Variants in TTBK2 observed in about 807,000 individuals in gnomAD.
TTBK2 encodes tau tubulin kinase 2, also known as tau-tubulin kinase 2.
TTBK2 carries 28 observed loss-of-function variants against 110.8 expected under a neutral mutation model. The observed-to-expected ratio is 0.25, with a 90% confidence interval of 0.19 to 0.35. The LOEUF is 0.35. TTBK2 is among the 10% of genes least tolerant of loss of function. The pLI, the probability that TTBK2 is intolerant of heterozygous loss-of-function variation, is 1.00. For missense variants in TTBK2, 1,369 were observed against 1,500.3 expected (o/e 0.91, Z 1.45); for synonymous variants, 532 against 527.3 (o/e 1.01, Z -0.12).
chr15:42,882,194 A>G (rs1387335607), intron 1 of TTBK2, among the ~76,000 whole-genome samples: 4 of 151,992 alleles, frequency 2.6e-5, no homozygotes, highest in Non-Finnish European at 5.9e-5. Flanking sequence ...CAGATTGAGG[A>G]AGCTGACTGA....
At chr15:42,916,579 C>A (rs967320478) in intron 1 of TTBK2, among the ~76,000 whole-genome samples, 3 of 152,212 alleles carry the variant, frequency 2.0e-5, no homozygotes, top group Admixed American at 6.5e-5. Context: ...CAATTACCTA[C>A]CTTGGCCTCC....
intron 7 of TTBK2, among the ~76,000 whole-genome samples, chr15:42,815,139 T>C (rs1334466712): frequency 1.3e-5 from 2 of 152,130 alleles, no homozygotes; most frequent in African/African-American, 4.8e-5. Context: ...TCTAAACTTT[T>C]GTAAGAATCT....
In TTBK2 at chr15:42,828,043, A is replaced by G; in HGVS notation, c.433-11T>C. ...CATAGCGAAGTTCGACTAGAAAAAT[A>G]AAGAAGGAAAATATATACATTCTTA... On this transcript the variant is annotated splice_polypyrimidine_tract_variant and intron_variant, in intron 5 of 14. Transcript: ENST00000267890. 1 of 1,591,082 alleles carries G rather than the reference A, an allele frequency of 6.3e-7. No individual in the cohort carries two copies. Among genetic ancestry groups the G allele is most frequent in the African/African-American group, 1.3e-5 (1 of 74,398 alleles).
At chr15:42,872,148 A>C (rs1894639275) in intron 3 of TTBK2, among the ~76,000 whole-genome samples, 3 of 152,222 alleles carry the variant, frequency 2.0e-5, no homozygotes. Flanking sequence ...CTGAAACTGA[A>C]GCTAATATGA....
intron 3 of TTBK2, among the ~76,000 whole-genome samples, chr15:42,855,724 G>A (rs528155651): frequency 2.0e-5 from 3 of 151,944 alleles, no homozygotes; most frequent in East Asian, 3.9e-4. Context: ...TCTTGCTGTC[G>A]CCCAGGCTGG....
chr15:42,902,836 C>T (rs2030134649), intron 1 of TTBK2, among the ~76,000 whole-genome samples: 1 of 151,792 alleles, frequency 6.6e-6, no homozygotes, highest in Non-Finnish European at 1.5e-5. Context: ...ACAAAATATA[C>T]AAATATTAGC....
chr15:42,787,932 T>A (rs934156665), intron 10 of TTBK2, among the ~76,000 whole-genome samples: 6 of 152,192 alleles, frequency 3.9e-5, no homozygotes, highest in African/African-American at 1.4e-4. Context: ...GTATAGCCTA[T>A]TACGTGCCTA....
intron 13 of TTBK2, among the ~76,000 whole-genome samples, chr15:42,770,169 A>G (rs540980341): frequency 1.7e-3 from 252 of 152,216 alleles, no homozygotes; most frequent in African/African-American, 5.2e-3. Flanking sequence ...TGGGTGCAGC[A>G]CACCAACATG....
intron 13 of TTBK2, among the ~76,000 whole-genome samples, chr15:42,769,250 A>C (rs1188586393): frequency 2.0e-5 from 3 of 152,234 alleles, no homozygotes; most frequent in Admixed American, 6.5e-5. Context: ...CAAAAGCCAA[A>C]ATTGACAAAT....
intron 9 of TTBK2, chr15:42,801,336 A>C: frequency 6.3e-7 from 1 of 1,584,794 alleles, no homozygotes; most frequent in Non-Finnish European, 8.7e-7. Context: ...GGCTAGCTGC[A>C]GGGCGGCCTC....
In TTBK2 at chr15:42,783,504, G is replaced by T; in HGVS notation, c.1112C>A (p.Ser371Tyr). The change falls in exon 11 of 15, where the codon TCT (serine) becomes TAT (tyrosine). Residue 371 changes from serine (S) to tyrosine (Y), a missense_variant. Ser to Tyr is a moderately radical substitution (Grantham distance 144). This residue lies in a region of TTBK2 where 1,097 missense variants were observed against 1,114.7 expected (regional missense o/e 0.98). Coordinates refer to ENST00000267890, the MANE Select transcript of TTBK2 (RefSeq NM_173500.4). ...CTCCTGGGGACGGGGGTGTCCCAGA[G>T]ATCCAGGCAATTTATCTGGTGACAC... is the stretch of plus-strand genomic sequence containing the variant. ...VGVSPDKLPGSLGHPRPQEKD... is the reference protein window; with the variant it reads ...VGVSPDKLPGYLGHPRPQEKD... 6.2e-7 allele frequency: 1 copy of T among 1,614,138 alleles called. No individual in the cohort carries two copies. Among genetic ancestry groups the T allele is most frequent in the Non-Finnish European group, 8.5e-7 (1 of 1,180,034 alleles).
At chr15:42,844,416 AG>A (rs1893363904) in intron 3 of TTBK2, among the ~76,000 whole-genome samples, 1 of 152,118 alleles carries the variant, frequency 6.6e-6, no homozygotes, top group Non-Finnish European at 1.5e-5. Context: ...AAAATTAGCC[AG>A]GTGTGGGGGC....
chr15:42,836,219 T>C (rs1431001210), intron 4 of TTBK2, among the ~76,000 whole-genome samples: 1 of 152,110 alleles, frequency 6.6e-6, no homozygotes, highest in Non-Finnish European at 1.5e-5. Flanking sequence ...TAATGGCAAA[T>C]AGAATTTCTA....
intron 2 of TTBK2, among the ~76,000 whole-genome samples, chr15:42,877,473 T>C (rs1040942497): frequency 6.7e-6 from 1 of 148,786 alleles, no homozygotes; most frequent in South Asian, 2.2e-4. Flanking sequence ...CCTAATTTCT[T>C]CAGTAAATAA....
chr15:42,887,560 C>T (rs1299462007), intron 1 of TTBK2, among the ~76,000 whole-genome samples: 2 of 152,088 alleles, frequency 1.3e-5, no homozygotes, highest in African/African-American at 2.4e-5. Context: ...TTTATAATTC[C>T]CCCATTTTAC....
chr15:42,913,297 C>T (rs1427753767), intron 1 of TTBK2, among the ~76,000 whole-genome samples: 1 of 152,096 alleles, frequency 6.6e-6, no homozygotes, highest in Admixed American at 6.6e-5. Context: ...GTAAATTATA[C>T]TTTGGGCAAC....
chr15:42,873,060 G>A (rs1188769728), intron 2 of TTBK2, among the ~76,000 whole-genome samples: 1 of 152,108 alleles, frequency 6.6e-6, no homozygotes. Flanking sequence ...GTATTTGAAA[G>A]AATCACTTCC....
chr15:42,796,533 A>T (rs1282474126), intron 9 of TTBK2, among the ~76,000 whole-genome samples: 1 of 152,174 alleles, frequency 6.6e-6, no homozygotes, highest in African/African-American at 2.4e-5. Context: ...GAAGAGAAAG[A>T]CTCAGCAAAG....
intron 4 of TTBK2, among the ~76,000 whole-genome samples, chr15:42,837,453 T>C (rs1893036605): frequency 2.0e-5 from 3 of 149,792 alleles, no homozygotes; most frequent in South Asian, 4.2e-4. Context: ...AGGTCAGGAG[T>C]TCGAGACCAG....
Sources: gnomAD v4.1 joint callset for allele counts (sites outside exome capture counted in the v4.1 genomes callset) on GRCh38, gnomAD v4.1.1 for gene constraint, gnomAD v4.1.1 regional missense constraint, MANE v1.5 for transcripts, NCBI Gene and HGNC (gene_info 2026-07-23, HGNC 2026-07-21) for gene names.